The following ANK3 variants were observed in gnomAD, a reference collection of about 807,000 sequenced individuals.
ANK3 encodes ankyrin-3.
Under a neutral mutation model 370.9 loss-of-function variants are expected in ANK3, and 57 were observed. The ratio of observed to expected loss-of-function variants is 0.15; its 90% CI spans 0.12 to 0.19. ANK3 has a LOEUF of 0.19. Ranked by LOEUF, ANK3 falls within the 10% of genes least tolerant of loss-of-function variation. The pLI, the probability that ANK3 is intolerant of heterozygous loss-of-function variation, is 1.00. For missense variants in ANK3, 4,439 were observed against 5,302.1 expected, an observed-to-expected ratio of 0.84 and a Z score of 5.06; for synonymous variants, 1,929 against 1,946.3, an observed-to-expected ratio of 0.99 and a Z score of 0.23.
At chr10:60,275,982 T>C (rs1411880560) in intron 4 of ANK3, among the ~76,000 whole-genome samples, 1 of 152,236 alleles carries the variant, frequency 6.6e-6, no homozygotes, top group Non-Finnish European at 1.5e-5. Flanking sequence ...TTCTTTATAA[T>C]CACAATTTAG....
chr10:60,518,652 C>G (rs2076279440), intron 2 of ANK3, among the ~76,000 whole-genome samples: 2 of 152,110 alleles, frequency 1.3e-5, no homozygotes, highest in South Asian at 4.1e-4. Context: ...ACTTTCCCCT[C>G]CCTTCCAACT....
chr10:60,487,716 T>C (rs996155306), intron 2 of ANK3, among the ~76,000 whole-genome samples: 4 of 122,518 alleles, frequency 3.3e-5, no homozygotes, highest in Non-Finnish European at 7.4e-5. Context: ...TCTGATGATG[T>C]TGCATTTTTT....
At chr10:60,488,322 G>A (rs1049451295) in intron 2 of ANK3, among the ~76,000 whole-genome samples, 3 of 152,046 alleles carry the variant, frequency 2.0e-5, no homozygotes, top group African/African-American at 7.2e-5. Flanking sequence ...TGGAAGAATG[G>A]GAAGGTGAAC....
Position 60,670,182 on chromosome 10 carries a change from C to G in ANK3, c.58-54958G>C, listed in dbSNP as rs368592226. 1.4e-4 allele frequency among the ~76,000 whole-genome samples: 21 copies of G among 152,224 alleles called. No homozygotes were observed. In the East Asian group the frequency reaches 2.3e-3, roughly 17 times the overall value. ...ACAATGAATATACTCTGACCTCCCCCCAAACAACTGAAATGTACATCCAAT... is the reference window on the plus strand; with the variant it reads ...ACAATGAATATACTCTGACCTCCCCGCAAACAACTGAAATGTACATCCAAT... On this transcript the variant is annotated intron_variant, in intron 1 of 43. Transcript: ENST00000373827.
intron 21 of ANK3, among the ~76,000 whole-genome samples, chr10:60,168,508 G>A (rs2095685589): frequency 1.3e-5 from 2 of 151,986 alleles, no homozygotes; most frequent in South Asian, 4.2e-4. Context: ...AGGTTCCTCT[G>A]GGCTGTGACA....
chr10:60,181,295 A>G, intron 18 of ANK3, 34 bp downstream of exon 18: 1 of 1,585,164 alleles, frequency 6.3e-7, no homozygotes, highest in East Asian at 2.2e-5. Context: ...AAATGGACAC[A>G]TTCTTTTCCG....
At position 60,072,543 on chromosome 10, in the gene ANK3, C is replaced by T. The variant is rs1351121922; in HGVS notation, c.8338G>A (p.Val2780Met). The T allele has an allele frequency of 1.9e-6, 3 of 1,613,324 alleles. No individual in the cohort carries two copies. In the South Asian group the frequency reaches 3.3e-5, roughly 18 times the overall value. ...TTTAATACCATAAAATCTTTTTGCACAGATACACTTTCATCTGGGAGGTCT... is the reference window on the plus strand; with the variant it reads ...TTTAATACCATAAAATCTTTTTGCATAGATACACTTTCATCTGGGAGGTCT... ...AIDLPDESVS[V>M]QKDFMVLKTK... is the part of the protein sequence containing the mutation. Residue 2780 changes from valine (V) to methionine (M), a missense_variant, in exon 37 of 44, where the codon GTG becomes ATG. Physicochemically the swap from Val to Met is conservative, Grantham distance 21 (BLOSUM62 1). Transcript: ENST00000280772.
chr10:60,159,575 A>G (rs1370266166), intron 23 of ANK3, among the ~76,000 whole-genome samples: 1 of 152,162 alleles, frequency 6.6e-6, no homozygotes, highest in Non-Finnish European at 1.5e-5. Flanking sequence ...ACCCTAATAG[A>G]CATGCACAGA....
chr10:60,695,147 A>G (rs1399710506), intron 1 of ANK3, among the ~76,000 whole-genome samples: 2 of 152,086 alleles, frequency 1.3e-5, no homozygotes, highest in Non-Finnish European at 2.9e-5. Context: ...AAAAGAGACA[A>G]AGAAGTCCAT....
intron 1 of ANK3, among the ~76,000 whole-genome samples, chr10:60,290,294 G>A (rs1420562214): frequency 2.0e-5 from 3 of 152,084 alleles, no homozygotes; most frequent in Non-Finnish European, 4.4e-5. Context: ...TTTTGGGTGT[G>A]GAGATCTTAA....
At chr10:60,058,585 T>TA (rs1335441521) in intron 41 of ANK3, among the ~76,000 whole-genome samples, 1 of 152,308 alleles carries the variant, frequency 6.6e-6, no homozygotes, top group East Asian at 1.9e-4. Flanking sequence ...TTAAGACATT[T>TA]AAAAAATCAT....
intron 1 of ANK3, among the ~76,000 whole-genome samples, chr10:60,652,713 A>T (rs139604943): frequency 0.013 from 1,882 of 146,872 alleles, 34 homozygotes; most frequent in Middle Eastern, 0.046. Flanking sequence ...AAAAAAAACT[A>T]AACTGGGCAA....
chr10:60,068,789 C>A lies in ANK3; in HGVS notation c.12092G>T (p.Ser4031Ile). 6.2e-7 allele frequency: 1 copy of A among 1,614,222 alleles called. No individual in the cohort carries two copies. The highest frequency in any genetic ancestry group is 8.5e-7 in the Non-Finnish European group (1 of 1,180,028). ...GGACAACGACGTGTTTCTTGAGGTACTTTCTTCCTCATCGGACAACTCGGA... is the reference window on the plus strand; with the variant it reads ...GGACAACGACGTGTTTCTTGAGGTAATTTCTTCCTCATCGGACAACTCGGA... ...MQSELSDEEE[S>I]TSRNTSLSET... The change falls in exon 37 of 44, where the codon AGT becomes ATT. Residue 4031 changes from serine to isoleucine, a missense_variant. Ser to Ile is a moderately radical substitution (Grantham distance 142, BLOSUM62 -2). Around this residue, in one of 13 missense-constraint regions of ANK3, gnomAD observed 496 missense variants for 529.3 expected, o/e 0.94. Transcript: ENST00000280772.
chr10:60,523,314 T>C (rs2076392645), intron 2 of ANK3, among the ~76,000 whole-genome samples: 2 of 151,980 alleles, frequency 1.3e-5, no homozygotes, highest in Admixed American at 1.3e-4. Context: ...TAGGTATACA[T>C]GTGCCATGTT....
intron 23 of ANK3, among the ~76,000 whole-genome samples, chr10:60,156,417 A>AATAAAC (rs1423673627): frequency 6.6e-6 from 1 of 152,180 alleles, no homozygotes; most frequent in East Asian, 1.9e-4. Flanking sequence ...TTTGGCTTGG[A>AATAAAC]ATAAACATCA....
chr10:60,592,404 C>T (rs1159035143), intron 2 of ANK3, among the ~76,000 whole-genome samples: 2 of 152,176 alleles, frequency 1.3e-5, no homozygotes, highest in African/African-American at 2.4e-5. Context: ...CAGCCTACTA[C>T]ATGTGAAGCA....
intron 28 of ANK3, 95 bp downstream of exon 28, chr10:60,105,810 A>T (rs1373814254): frequency 3.8e-6 from 5 of 1,321,296 alleles, no homozygotes; most frequent in Non-Finnish European, 1.0e-6. Flanking sequence ...TTAAAATACA[A>T]ATGTGTGAAA....
chr10:60,239,010 C>T (rs2097377529), intron 7 of ANK3, among the ~76,000 whole-genome samples: 2 of 152,036 alleles, frequency 1.3e-5, no homozygotes. Context: ...GAGTAAATTG[C>T]TTTGTGGGCT....
chr10:60,092,530 C>G (rs1456645800), intron 28 of ANK3, among the ~76,000 whole-genome samples: 1 of 152,040 alleles, frequency 6.6e-6, no homozygotes, highest in Non-Finnish European at 1.5e-5. Flanking sequence ...AAATGAGCCA[C>G]CAACAGAACT....
Sources: gnomAD v4.1 joint callset for allele counts (sites outside exome capture counted in the v4.1 genomes callset) on GRCh38, gnomAD v4.1.1 for gene constraint, gnomAD v4.1.1 regional missense constraint, MANE v1.5 for transcripts, NCBI Gene and HGNC (gene_info 2026-07-23, HGNC 2026-07-21) for gene names.